The following STK10 variants were observed in gnomAD, a reference collection of about 807,000 sequenced individuals.
The protein encoded by STK10 is serine/threonine-protein kinase 10.
In STK10, 78 loss-of-function variants were observed where a neutral mutation model predicts 113.8. The observed-to-expected ratio is 0.69, with a 90% confidence interval of 0.57 to 0.83. The LOEUF (loss-of-function observed/expected upper bound fraction) is 0.83, where lower values mean the gene tolerates loss of function less well. STK10 is among the 40% of genes least tolerant of loss of function. The pLI is 0.00. For synonymous variants in STK10, 465 were observed against 494.7 expected (o/e 0.94, Z 0.80); for missense variants, 1,109 against 1,280.1 (o/e 0.87, Z 2.04).
intron 1 of STK10, among the ~76,000 whole-genome samples, chr5:172,172,936 C>T (rs777071210): frequency 2.6e-5 from 4 of 151,834 alleles, no homozygotes; most frequent in South Asian, 4.2e-4. Flanking sequence ...GTCGAGATCG[C>T]GTCACTGCAC....
intron 1 of STK10, among the ~76,000 whole-genome samples, chr5:172,181,430 G>T: frequency 6.6e-6 from 1 of 151,756 alleles, no homozygotes; most frequent in East Asian, 1.9e-4. Context: ...CTTCTATTAC[G>T]TATTACGTAA....
At chr5:172,058,624 C>T (rs901071907) in intron 14 of STK10, among the ~76,000 whole-genome samples, 1 of 152,154 alleles carries the variant, frequency 6.6e-6, no homozygotes, top group African/African-American at 2.4e-5. Flanking sequence ...GGCACAGTGG[C>T]TCACACCGTA....
intron 2 of STK10, among the ~76,000 whole-genome samples, chr5:172,137,894 A>G (rs1261355935): frequency 6.7e-6 from 1 of 149,328 alleles, no homozygotes; most frequent in Non-Finnish European, 1.5e-5. Flanking sequence ...TCTGTCTCAA[A>G]AAAAAAAAAA....
intron 7 of STK10, among the ~76,000 whole-genome samples, chr5:172,099,630 ACCAAAGGTGAGAACCAAGATC>A (rs548896077): frequency 0.1 from 15,179 of 151,684 alleles, 2,494 homozygotes; most frequent in African/African-American, 0.34. Flanking sequence ...GCTTTTTGGA[ACCAAAGGTGAGAACCAAGATC>A]CCAAAGGTGA....
intron 10 of STK10, 62 bp from the exon 11 acceptor site, chr5:172,083,146 T>G: frequency 6.2e-7 from 1 of 1,606,114 alleles, no homozygotes. Context: ...ATCACAATAT[T>G]TGCAACTTGG....
At chr5:172,138,925 A>T (rs937570500) in intron 2 of STK10, among the ~76,000 whole-genome samples, 1 of 152,148 alleles carries the variant, frequency 6.6e-6, no homozygotes, top group Non-Finnish European at 1.5e-5. Flanking sequence ...GAGGCAGGAG[A>T]ATGGTGTGAA....
chr5:172,172,938 T>C (rs541307694), intron 1 of STK10, among the ~76,000 whole-genome samples: 11 of 151,588 alleles, frequency 7.3e-5, no homozygotes, highest in African/African-American at 2.7e-4. Context: ...CGAGATCGCG[T>C]CACTGCACTC....
chr5:172,141,363 G>C (rs139138670), intron 2 of STK10, among the ~76,000 whole-genome samples: 1,689 of 152,206 alleles, frequency 0.011, 33 homozygotes, highest in African/African-American at 0.038. Flanking sequence ...GATTGCTTGA[G>C]CTCAGGAGTT....
chr5:172,153,183 G>A (rs1340519937), intron 2 of STK10, among the ~76,000 whole-genome samples: 2 of 152,118 alleles, frequency 1.3e-5, no homozygotes, highest in Admixed American at 6.5e-5. Flanking sequence ...CTACTCAGGA[G>A]GCTGAGGCAA....
intron 3 of STK10, among the ~76,000 whole-genome samples, chr5:172,123,703 T>C (rs1387130535): frequency 6.6e-6 from 1 of 152,114 alleles, no homozygotes; most frequent in Non-Finnish European, 1.5e-5. Context: ...CAAGGTGCCA[T>C]GTGGAGCTTT....
intron 1 of STK10, among the ~76,000 whole-genome samples, chr5:172,170,392 G>C (rs1417306829): frequency 6.6e-6 from 1 of 152,166 alleles, no homozygotes; most frequent in Non-Finnish European, 1.5e-5. Flanking sequence ...CTGCCAAGCA[G>C]AGAGAAACCA....
At position 172,133,208 on chromosome 5, in the gene STK10, G is replaced by A. The variant is rs898828766; in HGVS notation, c.322-5787C>T. Among the ~76,000 whole-genome samples the A allele has an allele frequency of 4.6e-5, 7 of 152,256 alleles. No homozygotes were observed. The highest frequency in any genetic ancestry group is 6.5e-5 in the Admixed American group (1 of 15,284). On this transcript the variant is annotated intron_variant, in intron 2 of 18. Coordinates refer to ENST00000176763, the MANE Select transcript of STK10 (RefSeq NM_005990.4). This position sits in a 1 kb window ranked among gnomAD's most constrained non-coding sequence, Gnocchi z 4.9. Reference sequence around the variant, plus strand: ...TGGAGAGCTGTGTGTGCGTGTGTGCGTGTGTGTCTGGGGAGATACACCAAA... The same window carrying A: ...TGGAGAGCTGTGTGTGCGTGTGTGCATGTGTGTCTGGGGAGATACACCAAA...
rs576501017 is a variant in STK10, at chr5:172,062,829, G to A, written c.2083-1561C>T. On this transcript the variant is annotated intron_variant, in intron 13 of 18. Transcript: ENST00000176763. Reference sequence around the variant, plus strand: ...CTGGAGATAGATGGCGGAGATGGCCGCACAATGTGAATAGGCTTAACGCCA... The same window carrying A: ...CTGGAGATAGATGGCGGAGATGGCCACACAATGTGAATAGGCTTAACGCCA... Among the ~76,000 whole-genome samples the A allele has an allele frequency of 4.6e-5, 7 of 152,310 alleles. No individual in the cohort carries two copies. The East Asian group carries it at 7.7e-4, about 17-fold the overall frequency.
rs1325157654 is a variant in STK10 at position 172,187,541 on chromosome 5, G to T, written c.156+346C>A. 6.6e-6 allele frequency among the ~76,000 whole-genome samples: 1 copy of T among 152,008 alleles called. No homozygotes were observed. The highest frequency in any genetic ancestry group is 2.4e-5 in the African/African-American group (1 of 41,438). On this transcript the variant is annotated intron_variant, in intron 1 of 18. Transcript: ENST00000176763. This position sits in a 1 kb window ranked among gnomAD's most constrained non-coding sequence, Gnocchi z 4.6. ...ATCGCCGTTTTACGGAACGTCCCTG[G>T]AAGGTCCCTCGAGTGGCCCTCTCGG...
chr5:172,142,002 A>AT (rs1769982494), intron 2 of STK10, among the ~76,000 whole-genome samples: 1 of 152,180 alleles, frequency 6.6e-6, no homozygotes, highest in East Asian at 1.9e-4. Flanking sequence ...TGTACCAGGC[A>AT]TTGTTTTAGC....
intron 1 of STK10, among the ~76,000 whole-genome samples, chr5:172,179,882 G>C (rs10072738): frequency 3.9e-5 from 6 of 152,218 alleles, no homozygotes; most frequent in East Asian, 3.9e-4. Context: ...GCTCAGGGAC[G>C]GGCAAGACGG....
intron 1 of STK10, among the ~76,000 whole-genome samples, chr5:172,167,570 TAG>T (rs1770593675): frequency 6.6e-6 from 1 of 152,140 alleles, no homozygotes; most frequent in Admixed American, 6.5e-5. Context: ...GCCTCCCACA[TAG>T]AGAGAGACCA....
At chr5:172,117,672 G>C in intron 3 of STK10, 42 bp from the exon 4 acceptor site, 1 of 1,608,284 alleles carries the variant, frequency 6.2e-7, no homozygotes, top group Non-Finnish European at 8.5e-7. Flanking sequence ...GTAAGCCCTG[G>C]ACACAGGAAA....
intron 2 of STK10, among the ~76,000 whole-genome samples, chr5:172,129,799 A>ACCC (rs1171771249): frequency 6.6e-5 from 10 of 152,214 alleles, no homozygotes; most frequent in Admixed American, 3.9e-4. Context: ...AAACTCAGTG[A>ACCC]CCATGCAAGG....
Sources: gnomAD v4.1 joint callset for allele counts (sites outside exome capture counted in the v4.1 genomes callset) on GRCh38, gnomAD v4.1.1 for gene constraint, Gnocchi (gnomAD v3.1) non-coding constraint, MANE v1.5 for transcripts, NCBI Gene and HGNC (gene_info 2026-07-23, HGNC 2026-07-21) for gene names.